The following DCN variants were observed in gnomAD, a reference collection of about 807,000 sequenced individuals.
DCN encodes the protein decorin.
DCN carries 17 observed loss-of-function variants against 36.5 expected under a neutral mutation model. The ratio of observed to expected loss-of-function variants is 0.47; its 90% CI spans 0.32 to 0.70. The LOEUF (loss-of-function observed/expected upper bound fraction) is 0.70, where lower values mean the gene tolerates loss of function less well. DCN is among the 30% of genes least tolerant of loss of function. The probability of loss-of-function intolerance (pLI) is 0.04; values close to 1 mark genes in which losing one functional copy is unlikely to be tolerated. For synonymous variants in DCN, 163 were observed against 161.4 expected, an observed-to-expected ratio of 1.01 and a Z score of -0.07; for missense variants, 389 against 430.1, an observed-to-expected ratio of 0.90 and a Z score of 0.84.
intron 2 of DCN, among the ~76,000 whole-genome samples, chr12:91,168,015 TAA>T (rs771361313): frequency 9.9e-5 from 15 of 152,096 alleles, no homozygotes; most frequent in Non-Finnish European, 1.9e-4. Context: ...GTATTTTTAG[TAA>T]AGATGGAGTT....
chr12:91,157,392 C>T (rs1881857166), intron 4 of DCN, among the ~76,000 whole-genome samples: 1 of 152,038 alleles, frequency 6.6e-6, no homozygotes, highest in Non-Finnish European at 1.5e-5. Flanking sequence ...AAAAGCCAAA[C>T]AGACAATGAC....
intron 3 of DCN, among the ~76,000 whole-genome samples, chr12:91,159,089 G>A (rs1452684059): frequency 2.0e-5 from 3 of 152,044 alleles, no homozygotes; most frequent in Non-Finnish European, 4.4e-5. Flanking sequence ...GTATGTATAT[G>A]TACGTGTATA....
intron 6 of DCN, among the ~76,000 whole-genome samples, chr12:91,152,256 G>A (rs941790438): frequency 1.3e-5 from 2 of 151,660 alleles, no homozygotes; most frequent in East Asian, 1.9e-4. Context: ...TCCCATCAAA[G>A]AATATTTTAC....
At chr12:91,168,073 C>T (rs965450076) in intron 2 of DCN, among the ~76,000 whole-genome samples, 8 of 152,096 alleles carry the variant, frequency 5.3e-5, no homozygotes, top group African/African-American at 1.9e-4. Flanking sequence ...CCTCATGATC[C>T]ACCAGCCTCG....
chr12:91,158,261 G>A (rs367777271), intron 4 of DCN, 35 bp downstream of exon 4: 1 of 1,332,092 alleles, frequency 7.5e-7, no homozygotes, highest in African/African-American at 1.4e-5. Context: ...ATAAAAACTT[G>A]AGTTTTGGTC....
Position 91,153,185 on chromosome 12 carries a change from A to G in DCN, c.657T>C (p.Leu219=). ...DTNITSIPQG[L]PPSLTELHLD... is the part of the protein sequence containing the mutation. ...GATGTAATTCCGTAAGGGAAGGAGG[A>G]AGACCTGGAATGTGGAATTAAAGAT... The change falls in exon 6 of 8, where the codon CTT becomes CTC. Residue 219 remains leucine, a synonymous_variant. Transcript: ENST00000052754. The G allele has an allele frequency of 6.4e-7, 1 of 1,570,800 alleles. No homozygotes were observed. Among genetic ancestry groups the G allele is most frequent in the Non-Finnish European group, 8.8e-7 (1 of 1,140,788 alleles).
At chr12:91,151,113 G>A (rs1466721023) in intron 7 of DCN, 1 of 157,692 alleles carries the variant, frequency 6.3e-6, no homozygotes. Flanking sequence ...GGCGAACTTA[G>A]AGGATGGGTC....
intron 4 of DCN, 24 bp from the exon 5 acceptor site, chr12:91,157,212 C>A (rs573167363): frequency 2.6e-6 from 4 of 1,542,272 alleles, no homozygotes; most frequent in Non-Finnish European, 3.6e-6. Flanking sequence ...AAGTGCAAGG[C>A]TTTTAGAGGA....
In DCN at chr12:91,144,951, T is replaced by C. The variant is rs1880921032; in HGVS notation, c.*1107A>G. On this transcript the variant is annotated 3_prime_UTR_variant, in exon 8 of 8. Coordinates refer to ENST00000052754, the MANE Select transcript of DCN (RefSeq NM_001920.5). ...CTTAATAAATTATTTAAATTTACAC[T>C]GTATTTCAATTATTTTTTCCCATAT... The C allele has an allele frequency of 6.6e-6, 1 of 152,258 alleles. No homozygotes were observed. Among genetic ancestry groups the C allele is most frequent in the Non-Finnish European group, 1.5e-5 (1 of 68,042 alleles). 9.4% of individuals were successfully genotyped at this position (152,258 alleles called of 1,614,324 possible).
At chr12:91,149,258 G>A (rs966718197) in intron 7 of DCN, among the ~76,000 whole-genome samples, 1 of 152,098 alleles carries the variant, frequency 6.6e-6, no homozygotes, top group African/African-American at 2.4e-5. Flanking sequence ...GACCAAACAT[G>A]ATTTATCTCA....
chr12:91,150,296 A>G (rs528970056), intron 7 of DCN, among the ~76,000 whole-genome samples: 1 of 152,254 alleles, frequency 6.6e-6, no homozygotes, highest in Non-Finnish European at 1.5e-5. Context: ...AAGACAATTC[A>G]TTGGAGAAAG....
chr12:91,155,159 G>T (rs1320987417), intron 5 of DCN, among the ~76,000 whole-genome samples: 1 of 152,116 alleles, frequency 6.6e-6, no homozygotes, highest in Non-Finnish European at 1.5e-5. Context: ...TTAAACACAC[G>T]AGTTCTGACA....
In DCN at chr12:91,162,951, A is replaced by G. The variant is rs3138230; in HGVS notation, c.324+1654T>C. Among the ~76,000 whole-genome samples, 869 of 152,308 alleles carry G rather than the reference A, an allele frequency of 5.7e-3. 6 individuals carry two copies. The highest frequency in any genetic ancestry group is 0.019 in the African/African-American group (805 of 41,560). ...TTCCAGATTCTTTATCTCCATGGTC[A>G]TCCTTCTCTAGATGTTCTTGAATGC... On this transcript the variant is annotated intron_variant, in intron 3 of 7. Transcript: ENST00000052754.
intron 2 of DCN, among the ~76,000 whole-genome samples, chr12:91,169,004 T>C (rs1458774479): frequency 1.4e-5 from 2 of 138,548 alleles, no homozygotes; most frequent in Non-Finnish European, 3.2e-5. Context: ...TTCATAGATT[T>C]GTATTTTCAA....
chr12:91,178,430 A>T lies in DCN; in HGVS notation c.123T>A (p.Pro41=), dbSNP rs1419538270. Residue 41 remains proline (P), a synonymous_variant, in exon 2 of 8, where the codon CCT becomes CCA. Transcript: ENST00000052754. The part of the protein sequence containing the change: ...DEASGIGPEV[P]DDRDFEPSLG... ...GGGAGGGCTCGAAGTCGCGGTCATC[A>T]GGAACTTCTGGGCCTATCCCAGAAG... The T allele has an allele frequency of 6.2e-7, 1 of 1,613,874 alleles. No individual in the cohort carries two copies. Among genetic ancestry groups the T allele is most frequent in the African/African-American group, 1.3e-5 (1 of 74,876 alleles).
Position 91,143,464 on chromosome 12 carries a change from T to A in DCN, c.*2594A>T, listed in dbSNP as rs1237046976. On this transcript the variant is annotated 3_prime_UTR_variant, in exon 8 of 8. Transcript: ENST00000052754. ...CTGGAAGTTTGTTTGAAATGCAGAA[T>A]CTCAGACCTCGATCCAGAACTGACA... 6.6e-6 allele frequency: 1 copy of A among 152,148 alleles called. No individual in the cohort carries two copies. Among genetic ancestry groups the A allele is most frequent in the Admixed American group, 6.6e-5 (1 of 15,260 alleles). The allele number at this position is 152,148 out of a possible 1,614,324, so 9.4% of individuals were successfully genotyped here.
chr12:91,173,201 C>T (rs1883082759), intron 2 of DCN, among the ~76,000 whole-genome samples: 1 of 151,854 alleles, frequency 6.6e-6, no homozygotes, highest in Admixed American at 6.6e-5. Flanking sequence ...TCATGGTTTT[C>T]CTCTTTTACC....
rs529164006 is a variant in DCN at position 91,174,280 on chromosome 12, G to T, written c.211+4062C>A. 2.2e-3 allele frequency among the ~76,000 whole-genome samples: 338 copies of T among 152,086 alleles called. 3 individuals carry two copies. Among genetic ancestry groups the T allele is most frequent in the African/African-American group, 7.7e-3 (320 of 41,512 alleles). Reference sequence around the variant, plus strand: ...GGTCCTCTTTAGAGAGGTGGAGAGAGATGGTACTATTTTGTGTCTAGCTTG... The same window carrying T: ...GGTCCTCTTTAGAGAGGTGGAGAGATATGGTACTATTTTGTGTCTAGCTTG... On this transcript the variant is annotated intron_variant, in intron 2 of 7. Transcript: ENST00000052754.
chr12:91,173,855 T>A (rs571001267), intron 2 of DCN, among the ~76,000 whole-genome samples: 1 of 152,322 alleles, frequency 6.6e-6, no homozygotes, highest in East Asian at 1.9e-4. Context: ...TGTAGTACAA[T>A]ATGTCCCAAG....
Sources: gnomAD v4.1 joint callset for allele counts (sites outside exome capture counted in the v4.1 genomes callset) on GRCh38, gnomAD v4.1.1 for gene constraint, MANE v1.5 for transcripts, NCBI Gene and HGNC (gene_info 2026-07-23, HGNC 2026-07-21) for gene names.